ASIC2: variants seen among roughly 807,000 people sequenced by gnomAD.
ASIC2 encodes acid-sensing ion channel 2.
ASIC2 carries 25 observed loss-of-function variants against 57.3 expected under a neutral mutation model. The ratio of observed to expected loss-of-function variants is 0.44; its 90% CI spans 0.32 to 0.61. The LOEUF (loss-of-function observed/expected upper bound fraction) is 0.61, where lower values mean the gene tolerates loss of function less well. Among genes scored for constraint, ASIC2 ranks in the 20% least tolerant of loss-of-function variants. ASIC2 has a pLI of 0.06. For missense variants in ASIC2, 641 were observed against 738.1 expected (o/e 0.87, Z 1.52); for synonymous variants, 319 against 307.5 (o/e 1.04, Z -0.39).
At chr17:33,223,170 C>T (rs1030309578) in intron 1 of ASIC2, among the ~76,000 whole-genome samples, 27 of 151,272 alleles carry the variant, frequency 1.8e-4, no homozygotes, top group African/African-American at 5.3e-4. Context: ...CTTTTTTTTT[C>T]TTTCTTTCTT....
intron 1 of ASIC2, among the ~76,000 whole-genome samples, chr17:33,208,279 A>T (rs1817964): frequency 0.024 from 3,689 of 152,298 alleles, 141 homozygotes; most frequent in African/African-American, 0.084. Flanking sequence ...AGTCAAGAAC[A>T]TGATTCCAGG....
chr17:33,883,973 T>C (rs1914764451), intron 1 of ASIC2, among the ~76,000 whole-genome samples: 1 of 152,168 alleles, frequency 6.6e-6, no homozygotes. Context: ...AGAGTTGAGA[T>C]TCAAATTCAG....
At chr17:33,651,740 C>T (rs1264492289) in intron 1 of ASIC2, among the ~76,000 whole-genome samples, 1 of 152,234 alleles carries the variant, frequency 6.6e-6, no homozygotes, top group Admixed American at 6.5e-5. Flanking sequence ...CAGTAAAACA[C>T]ATGCTCCAGC....
At position 33,858,062 on chromosome 17, in the gene ASIC2, C is replaced by T. The variant is rs561466894; in HGVS notation, c.555+297916G>A. Among the ~76,000 whole-genome samples the T allele has an allele frequency of 2.0e-3, 298 of 152,308 alleles. 5 individuals carry two copies. Among genetic ancestry groups the T allele is most frequent in the African/African-American group, 6.9e-3 (288 of 41,574 alleles). On this transcript the variant is annotated intron_variant, in intron 1 of 9. Coordinates refer to the ASIC2 transcript ENST00000359872. ...TGAGTTCTTCTGGGAGAACTCTGAG[C>T]TCTAGTCATCCACAGAATTCTCACA... is the stretch of plus-strand genomic sequence containing the variant.
chr17:33,778,184 G>A (rs2142126009), intron 1 of ASIC2, among the ~76,000 whole-genome samples: 1 of 152,192 alleles, frequency 6.6e-6, no homozygotes, highest in Non-Finnish European at 1.5e-5. Context: ...GATCTCAGGG[G>A]GAATTGAAAA....
intron 1 of ASIC2, among the ~76,000 whole-genome samples, chr17:33,469,224 C>T (rs1409036034): frequency 4.6e-5 from 7 of 152,176 alleles, no homozygotes; most frequent in African/African-American, 1.7e-4. Flanking sequence ...CAAGGAGCAG[C>T]GTCGAGACCC....
chr17:33,023,503 A>G (rs2091846577), intron 6 of ASIC2, among the ~76,000 whole-genome samples: 1 of 149,982 alleles, frequency 6.7e-6, no homozygotes, highest in African/African-American at 2.5e-5. Context: ...AAAAAAAAAA[A>G]GAAAAAAAAA....
intron 1 of ASIC2, among the ~76,000 whole-genome samples, chr17:33,128,239 T>C (rs1389490647): frequency 1.3e-5 from 2 of 152,210 alleles, no homozygotes; most frequent in East Asian, 3.8e-4. Flanking sequence ...TGCTCACTCC[T>C]ACTTGAACTT....
chr17:33,190,941 C>A (rs1485346971), intron 1 of ASIC2, among the ~76,000 whole-genome samples: 1 of 152,158 alleles, frequency 6.6e-6, no homozygotes, highest in Non-Finnish European at 1.5e-5. Context: ...TAAGTGCATA[C>A]GTACCAAAGA....
chr17:34,031,603 A>G (rs149284610), intron 1 of ASIC2, among the ~76,000 whole-genome samples: 2,322 of 152,266 alleles, frequency 0.015, 73 homozygotes, highest in African/African-American at 0.053. Flanking sequence ...CAAAGAAGTT[A>G]AAAGCTTTGA....
At chr17:33,914,525 A>G (rs1915542659) in intron 1 of ASIC2, among the ~76,000 whole-genome samples, 1 of 152,162 alleles carries the variant, frequency 6.6e-6, no homozygotes, top group Non-Finnish European at 1.5e-5. Flanking sequence ...GAGTTTTACA[A>G]CTGCAGGAAC....
chr17:33,427,289 A>G (rs1911251445), intron 1 of ASIC2, among the ~76,000 whole-genome samples: 1 of 152,266 alleles, frequency 6.6e-6, no homozygotes, highest in Non-Finnish European at 1.5e-5. Flanking sequence ...GAGCCTCTGT[A>G]CAGGGGAAAA....
At chr17:33,813,633 T>G (rs544539026) in intron 1 of ASIC2, among the ~76,000 whole-genome samples, 38 of 152,262 alleles carry the variant, frequency 2.5e-4, no homozygotes, top group Non-Finnish European at 5.0e-4. Context: ...AGACGGGGTT[T>G]CACCGTGTTA....
chr17:33,912,138 A>C (rs1253923956), intron 1 of ASIC2, among the ~76,000 whole-genome samples: 1 of 4,962 alleles, frequency 2.0e-4, no homozygotes, highest in Admixed American at 1.5e-3. Context: ...AGACTCCGTC[A>C]AAAAAAAAAA....
chr17:34,058,720 G>T (rs550848403), intron 1 of ASIC2, among the ~76,000 whole-genome samples: 1 of 152,182 alleles, frequency 6.6e-6, no homozygotes, highest in Non-Finnish European at 1.5e-5. Flanking sequence ...TTGTGGGAAT[G>T]CAGATACTTA....
chr17:33,249,785 A>C (rs1341651638), intron 1 of ASIC2, among the ~76,000 whole-genome samples: 2 of 152,176 alleles, frequency 1.3e-5, no homozygotes, highest in Non-Finnish European at 2.9e-5. Flanking sequence ...AGTTCCACCA[A>C]AGGCAGGGCG....
chr17:33,426,851 T>C (rs1203643528), intron 1 of ASIC2, among the ~76,000 whole-genome samples: 1 of 152,134 alleles, frequency 6.6e-6, no homozygotes, highest in Admixed American at 6.5e-5. Context: ...ATAAATGATA[T>C]GATGGGAAAA....
Position 34,126,514 on chromosome 17 carries a change from C to T in ASIC2, c.555+29464G>A, listed in dbSNP as rs543453009. 7.8e-4 allele frequency among the ~76,000 whole-genome samples: 119 copies of T among 152,284 alleles called. 1 individual carries two copies. The highest frequency in any genetic ancestry group is 2.7e-3 in the African/African-American group (114 of 41,558). On this transcript the variant is annotated intron_variant, in intron 1 of 9. Transcript: ENST00000359872. ...ACATGCCAAGGACCTCAGTCCTGTACGGCAACATCAGGGAGAACACTGAGA... is the reference window on the plus strand; with the variant it reads ...ACATGCCAAGGACCTCAGTCCTGTATGGCAACATCAGGGAGAACACTGAGA...
At chr17:33,359,263 G>A in intron 1 of ASIC2, among the ~76,000 whole-genome samples, 1 of 152,176 alleles carries the variant, frequency 6.6e-6, no homozygotes, top group East Asian at 1.9e-4. Flanking sequence ...TGAGAATTTG[G>A]TTCTAAGGTT....
Sources: allele counts gnomAD v4.1 joint callset (sites outside exome capture counted in the v4.1 genomes callset), GRCh38; gene constraint gnomAD v4.1.1; transcripts MANE v1.5; gene names NCBI Gene and HGNC (gene_info 2026-07-23, HGNC 2026-07-21).